Variants in ANK2 observed in about 807,000 individuals in gnomAD.
The protein encoded by ANK2 is ankyrin-2.
A neutral mutation model predicts 360.5 loss-of-function variants in ANK2; 83 were observed. The ratio of observed to expected loss-of-function variants is 0.23; its 90% CI spans 0.19 to 0.28. ANK2 has a LOEUF of 0.28. Ranked by LOEUF, ANK2 falls within the 10% of genes least tolerant of loss-of-function variation. The pLI is 1.00. For missense variants in ANK2, 4,201 were observed against 4,795.7 expected, an observed-to-expected ratio of 0.88 and a Z score of 3.66; for synonymous variants, 1,740 against 1,759.5, an observed-to-expected ratio of 0.99 and a Z score of 0.28.
rs534751969 is a variant in ANK2, at chr4:113,317,794, G to C, written c.2781G>C (p.Val927=). The change falls in exon 25 of 46, where the codon GTG becomes GTC. Residue 927 remains valine, a synonymous_variant. Coordinates refer to ENST00000357077, the MANE Select transcript of ANK2 (RefSeq NM_001148.6). ...GTGCCGTGATGGATGACTCAGTTGT[G>C]ATTCCCAGTCACCAGGTATGTGACA... ...RDSAVMDDSV[V]IPSHQVSTLA... is the part of the protein sequence containing the mutation. 26 of 1,613,676 alleles carry C rather than the reference G, an allele frequency of 1.6e-5. No homozygotes were observed. The highest frequency in any genetic ancestry group is 1.0e-4 in the Admixed American group (6 of 60,012).
At chr4:113,139,496 T>TA (rs1462632927) in intron 1 of ANK2, among the ~76,000 whole-genome samples, 1 of 152,234 alleles carries the variant, frequency 6.6e-6, no homozygotes, top group Non-Finnish European at 1.5e-5. Context: ...GCCCCTGCTT[T>TA]AGTAGTTCAT....
intron 7 of ANK2, among the ~76,000 whole-genome samples, chr4:113,238,592 C>A (rs890875344): frequency 2.0e-5 from 3 of 152,106 alleles, no homozygotes; most frequent in Non-Finnish European, 4.4e-5. Context: ...ATTTCAATAC[C>A]TTTAATTTCT....
At chr4:113,194,388 G>C (rs1042684587) in intron 2 of ANK2, among the ~76,000 whole-genome samples, 1 of 152,050 alleles carries the variant, frequency 6.6e-6, no homozygotes, top group African/African-American at 2.4e-5. Context: ...TTCTACCTGG[G>C]GTCATCCACT....
chr4:113,137,102 G>A (rs2096456141), intron 1 of ANK2, among the ~76,000 whole-genome samples: 1 of 152,064 alleles, frequency 6.6e-6, no homozygotes, highest in African/African-American at 2.4e-5. Flanking sequence ...CCAAAGTGCT[G>A]GGATTACATG....
the ANK2 span, among the ~76,000 whole-genome samples, chr4:112,774,091 A>G: frequency 6.6e-6 from 1 of 151,828 alleles, no homozygotes; most frequent in Non-Finnish European, 1.5e-5. Flanking sequence ...GAGCCCTCCC[A>G]AAGTGCTGGG....
Position 112,822,059 on chromosome 4 carries a change from C to T in ANK2, c.-40+3795C>T, listed in dbSNP as rs924364419. On this transcript the variant is annotated intron_variant, in intron 1 of 30. Transcript: ENST00000503271. ...CTGGGATTACAGGCATGAGCCACTG[C>T]GCCTAATGTTCTTTCTTTATACAAA... 2.6e-5 allele frequency among the ~76,000 whole-genome samples: 4 copies of T among 152,050 alleles called. No individual in the cohort carries two copies. The East Asian group carries it at 5.8e-4, about 22-fold the overall frequency.
At chr4:112,833,978 T>C (rs1048050377) in intron 1 of ANK2, among the ~76,000 whole-genome samples, 7 of 152,234 alleles carry the variant, frequency 4.6e-5, no homozygotes, top group African/African-American at 1.7e-4. Context: ...TACATAGATA[T>C]AACTTTTAAA....
the ANK2 span, among the ~76,000 whole-genome samples, chr4:112,745,972 GT>G: frequency 6.6e-6 from 1 of 151,638 alleles, no homozygotes; most frequent in Non-Finnish European, 1.5e-5. Context: ...GAATTCAGTT[GT>G]TTTAAATCAT....
At chr4:113,061,021 C>T (rs1010988522) in intron 1 of ANK2, among the ~76,000 whole-genome samples, 1 of 152,046 alleles carries the variant, frequency 6.6e-6, no homozygotes, top group African/African-American at 2.4e-5. Flanking sequence ...CAGCAGGGAC[C>T]TCTTTCCAGT....
intron 2 of ANK2, among the ~76,000 whole-genome samples, chr4:112,928,053 G>A (rs897462284): frequency 5.3e-5 from 8 of 152,204 alleles, no homozygotes; most frequent in Non-Finnish European, 4.4e-5. Context: ...TAAAAAAGAA[G>A]TACACTTTTG....
intron 2 of ANK2, among the ~76,000 whole-genome samples, chr4:112,969,281 T>C (rs1364445855): frequency 1.3e-5 from 2 of 152,230 alleles, no homozygotes; most frequent in African/African-American, 4.8e-5. Flanking sequence ...CTGAACACTC[T>C]TTTTCCTGGA....
At chr4:113,141,838 T>TA (rs373841094) in intron 1 of ANK2, among the ~76,000 whole-genome samples, 89 of 152,354 alleles carry the variant, frequency 5.8e-4, no homozygotes, top group African/African-American at 1.7e-3. Flanking sequence ...GCTGAGAGGC[T>TA]AGCCTTTGTT....
intron 1 of ANK2, among the ~76,000 whole-genome samples, chr4:112,830,716 A>T (rs1308168193): frequency 6.6e-6 from 1 of 152,056 alleles, no homozygotes; most frequent in Non-Finnish European, 1.5e-5. Flanking sequence ...GCGCTTGAGG[A>T]GCCCTTCAGC....
At position 113,049,703 on chromosome 4, in the gene ANK2, G is replaced by C; in HGVS notation, c.-26G>C. 6.7e-7 allele frequency: 1 copy of C among 1,497,614 alleles called. No homozygotes were observed. Among genetic ancestry groups the C allele is most frequent in the East Asian group, 2.7e-5 (1 of 36,492 alleles). The allele number at this position is 1,497,614 out of a possible 1,614,324, so 92.8% of individuals were successfully genotyped here. On this transcript the variant is annotated 5_prime_UTR_variant, in exon 1 of 46. Transcript: ENST00000357077. ...ACAGGCGGCACGGTTTGATGGCAGAGATATTTTCTTTCCAAACTGTTCAAA... is the reference window on the plus strand; with the variant it reads ...ACAGGCGGCACGGTTTGATGGCAGACATATTTTCTTTCCAAACTGTTCAAA...
chr4:113,270,311 T>C (rs1051914902), intron 14 of ANK2, among the ~76,000 whole-genome samples: 1 of 152,170 alleles, frequency 6.6e-6, no homozygotes, highest in Non-Finnish European at 1.5e-5. Context: ...CTCTGCCAAA[T>C]TTTTCTGTAT....
chr4:113,365,199 GTA>G lies in ANK2; in HGVS notation c.11032+19_11032+20del, dbSNP rs775672634. 1.4e-4 allele frequency: 211 copies of G among 1,520,180 alleles called. No individual in the cohort carries two copies. The highest frequency in any genetic ancestry group is 1.7e-4 in the East Asian group (7 of 40,972). The allele number at this position is 1,520,180 out of a possible 1,614,324, so 94.2% of individuals were successfully genotyped here. A position where few individuals can be genotyped will look rare whatever the true frequency, so the allele number is the denominator to read the frequency against. The stretch of plus-strand genomic sequence containing the variant: ...ATAGTGAAGGTCAAACTGTGTGTGT[GTA>G]TGTGTGTGTGTGTGTGTGTGTGTGT... On this transcript the variant is annotated intron_variant, in intron 41 of 45. Transcript: ENST00000357077.
At chr4:112,936,342 C>G (rs1465740155) in intron 2 of ANK2, among the ~76,000 whole-genome samples, 1 of 151,516 alleles carries the variant, frequency 6.6e-6, no homozygotes, top group East Asian at 1.9e-4. Flanking sequence ...CTTTTCTAAT[C>G]ATTATCCTTT....
chr4:112,767,359 G>A, the ANK2 span, among the ~76,000 whole-genome samples: 1 of 151,994 alleles, frequency 6.6e-6, no homozygotes, highest in African/African-American at 2.4e-5. Flanking sequence ...TCAGGAGTTC[G>A]AGACCAGCCT....
At chr4:113,076,736 C>A (rs1452820775) in intron 1 of ANK2, among the ~76,000 whole-genome samples, 1 of 150,220 alleles carries the variant, frequency 6.7e-6, no homozygotes, top group Non-Finnish European at 1.5e-5. Context: ...GTTGAGGCTG[C>A]AGTAAACCGT....
Sources: allele counts gnomAD v4.1 joint callset (sites outside exome capture counted in the v4.1 genomes callset), GRCh38; gene constraint gnomAD v4.1.1; transcripts MANE v1.5; gene names NCBI Gene and HGNC (gene_info 2026-07-23, HGNC 2026-07-21).